The following LALBA variants were observed in gnomAD, a reference collection of about 807,000 sequenced individuals.
LALBA encodes alpha-lactalbumin.
A neutral mutation model predicts 13.4 loss-of-function variants in LALBA; 12 were observed. That is an observed-to-expected ratio of 0.89 (90% confidence interval 0.57 to 1.45). LALBA has a LOEUF of 1.45. Among genes scored for constraint, LALBA ranks in the 40% most tolerant of loss-of-function variants. The pLI is 0.00. For missense variants in LALBA, 145 were observed against 165.9 expected, an observed-to-expected ratio of 0.87 and a Z score of 0.69; for synonymous variants, 64 against 61.0, an observed-to-expected ratio of 1.05 and a Z score of -0.23.
At chr12:48,568,173 T>TA (rs1476291601) in intron 3 of LALBA, 156 bp from the exon 4 acceptor site, 2 of 655,844 alleles carry the variant, frequency 3.0e-6, no homozygotes, top group Non-Finnish European at 5.5e-6. Context: ...ATACAGTCCA[T>TA]AAAAAATATC....
rs761404142 is a variant in LALBA, at chr12:48,570,026, C to T, written c.-6G>A. 10 of 1,613,800 alleles carry T rather than the reference C, an allele frequency of 6.2e-6. No individual in the cohort carries two copies. The South Asian group carries it at 6.6e-5, about 11-fold the overall frequency. On this transcript the variant is annotated 5_prime_UTR_variant, in exon 1 of 4. Coordinates refer to ENST00000301046, the MANE Select transcript of LALBA (RefSeq NM_002289.3). ...AGAGGGACAAAGAACCTCATTTTGGCTACCCCCAAGAACCTGAAATGGAAG... is the reference window on the plus strand; with the variant it reads ...AGAGGGACAAAGAACCTCATTTTGGTTACCCCCAAGAACCTGAAATGGAAG...
rs1349984417 is a variant in LALBA at position 48,570,028 on chromosome 12, A to AC, written c.-9dup. 2 of 1,613,300 alleles carry AC rather than the reference A, an allele frequency of 1.2e-6. No homozygotes were observed. Among genetic ancestry groups the AC allele is most frequent in the Non-Finnish European group, 1.7e-6 (2 of 1,179,822 alleles). On this transcript the variant is annotated 5_prime_UTR_variant, in exon 1 of 4. Coordinates refer to ENST00000301046, the MANE Select transcript of LALBA (RefSeq NM_002289.3). ...AGGGACAAAGAACCTCATTTTGGCT[A>AC]CCCCCAAGAACCTGAAATGGAAGCA...
chr12:48,571,318 T>C (rs1035697460), upstream of LALBA, among the ~76,000 whole-genome samples: 1 of 151,744 alleles, frequency 6.6e-6, no homozygotes, highest in Non-Finnish European at 1.5e-5. Flanking sequence ...CAAGTAGCTC[T>C]TAGCTCCTTC....
At position 48,567,905 on chromosome 12, in the gene LALBA, A is replaced by C; in HGVS notation, c.*52T>G. On this transcript the variant is annotated 3_prime_UTR_variant, in exon 4 of 4. Transcript: ENST00000301046. ...AAACAAACTGAGGTGGCATTAGGGA[A>C]GAGGTATTCCAGGAGTGTGGAGTGG... 8.2e-5 allele frequency: 116 copies of C among 1,408,024 alleles called. No homozygotes were observed. The highest frequency in any genetic ancestry group is 1.0e-4 in the Non-Finnish European group (102 of 1,005,824). 87.2% of individuals were successfully genotyped at this position (1,408,024 alleles called of 1,614,324 possible). A position where few individuals can be genotyped will look rare whatever the true frequency, so the allele number is the denominator to read the frequency against.
In LALBA at chr12:48,569,223, G is replaced by A; in HGVS notation, c.151C>T (p.His51Tyr). 6.2e-7 allele frequency: 1 copy of A among 1,612,918 alleles called. No homozygotes were observed. Reference protein sequence around the residue: ...ALPELICTMFHTSGYDTQAIV... With the variant: ...ALPELICTMFYTSGYDTQAIV... The stretch of plus-strand genomic sequence containing the variant: ...GCTTGTGTGTCATAACCACTGGTGT[G>A]AAACATGGTACAGATCACTGAGGGA... The change falls in exon 2 of 4, where the codon CAC (histidine) becomes TAC (tyrosine). Residue 51 changes from histidine to tyrosine, a missense_variant. His to Tyr is a moderately conservative substitution (Grantham distance 83, BLOSUM62 2). Transcript: ENST00000301046.
intron 3 of LALBA, 53 bp from the exon 4 acceptor site, chr12:48,568,070 C>G: frequency 7.1e-7 from 1 of 1,400,082 alleles, no homozygotes; most frequent in South Asian, 1.2e-5. Flanking sequence ...TCTTTACATT[C>G]ATTCCCAGGA....
intron 1 of LALBA, among the ~76,000 whole-genome samples, chr12:48,569,667 T>C (rs902598005): frequency 6.6e-6 from 1 of 152,044 alleles, no homozygotes; most frequent in African/African-American, 2.4e-5. Flanking sequence ...GAGCCGAGAT[T>C]ACACCATTGC....
intron 3 of LALBA, 94 bp from the exon 4 acceptor site, chr12:48,568,111 T>C (rs1938589941): frequency 5.2e-6 from 5 of 955,242 alleles, no homozygotes; most frequent in African/African-American, 1.6e-5. Context: ...GGACGAGAAT[T>C]ACAGAAAGAC....
chr12:48,568,428 C>G (rs995406639), intron 3 of LALBA, 89 bp downstream of exon 3: 5 of 791,796 alleles, frequency 6.3e-6, no homozygotes, highest in Non-Finnish European at 1.1e-5. Flanking sequence ...GATTAAATGA[C>G]CAAGAGATAG....
At chr12:48,571,386 C>CTTTTTTTTTTTTTTT (rs60444004), upstream of LALBA, among the ~76,000 whole-genome samples, 4 of 98,032 alleles carry the variant, frequency 4.1e-5, no homozygotes, top group South Asian at 3.6e-4. Flanking sequence ...CTTCTTCTTC[C>CTTTTTTTTTTTTTTT]TTTTTTTTTT....
rs973906865 is a variant in LALBA, at chr12:48,567,789, A to G, written c.*168T>C. 2 of 629,846 alleles carry G rather than the reference A, an allele frequency of 3.2e-6. No homozygotes were observed. Among genetic ancestry groups the G allele is most frequent in the African/African-American group, 3.7e-5 (2 of 54,744 alleles). 39.0% of individuals were successfully genotyped at this position (629,846 alleles called of 1,614,324 possible). A position where few individuals can be genotyped will look rare whatever the true frequency, so the allele number is the denominator to read the frequency against. On this transcript the variant is annotated 3_prime_UTR_variant, in exon 4 of 4. Transcript: ENST00000301046. ...GGGTCTAGAGCTCAGTGCACCACTC[A>G]GGCATCCCTGGAAAATAGTCTTCAA...
At chr12:48,568,835 A>G (rs1250455347) in intron 2 of LALBA, among the ~76,000 whole-genome samples, 1 of 152,228 alleles carries the variant, frequency 6.6e-6, no homozygotes. Flanking sequence ...AAATGCAGAC[A>G]ATCAGATTCC....
At chr12:48,569,834 A>T (rs1305725660) in intron 1 of LALBA, 54 bp downstream of exon 1, 1 of 1,580,568 alleles carries the variant, frequency 6.3e-7, no homozygotes, top group Non-Finnish European at 8.7e-7. Flanking sequence ...GAAAGAGGGG[A>T]TGGAGGAGAG....
upstream of LALBA, chr12:48,570,164 G>T: frequency 1.2e-6 from 1 of 820,206 alleles, no homozygotes; most frequent in Non-Finnish European, 1.9e-6. Context: ...AGACAGAAAC[G>T]CTGAGCCTGC....
At chr12:48,570,587 A>C (rs921745847), upstream of LALBA, among the ~76,000 whole-genome samples, 2 of 152,228 alleles carry the variant, frequency 1.3e-5, no homozygotes, top group African/African-American at 4.8e-5. Context: ...CTGAAGGCTC[A>C]GAAATAGGAA....
upstream of LALBA, among the ~76,000 whole-genome samples, chr12:48,571,604 C>T (rs559701613): frequency 5.9e-5 from 9 of 152,120 alleles, no homozygotes; most frequent in African/African-American, 2.2e-4. Flanking sequence ...AGGCTGGTCT[C>T]AAACTTCTGA....
intron 2 of LALBA, 138 bp downstream of exon 2, chr12:48,568,944 C>T: frequency 1.4e-6 from 1 of 725,598 alleles, no homozygotes; most frequent in Non-Finnish European, 2.3e-6. Context: ...TTACTCAGTA[C>T]TGCCAATTCA....
upstream of LALBA, among the ~76,000 whole-genome samples, chr12:48,570,837 C>T (rs1159636683): frequency 6.6e-6 from 1 of 151,812 alleles, no homozygotes; most frequent in African/African-American, 2.4e-5. Flanking sequence ...ATTAGCTGGG[C>T]ATGGTGACAT....
rs2137133406 is a variant in LALBA at position 48,568,314 on chromosome 12, GCAA to G, written c.368+200_368+202del. 4 of 609,818 alleles carry G rather than the reference GCAA, an allele frequency of 6.6e-6. No individual in the cohort carries two copies. In the East Asian group the frequency reaches 1.1e-4, roughly 17 times the overall value. The allele number at this position is 609,818 out of a possible 1,614,324, so 37.8% of individuals were successfully genotyped here. A position where few individuals can be genotyped will look rare whatever the true frequency, so the allele number is the denominator to read the frequency against. On this transcript the variant is annotated intron_variant, in intron 3 of 3. Coordinates refer to ENST00000301046, the MANE Select transcript of LALBA (RefSeq NM_002289.3). ...GGCCTGGGTCTGAGCCCTCCATTAG[GCAA>G]CCCCTTATTAGGAAAATTGCTACCA...
Sources: allele counts gnomAD v4.1 joint callset (sites outside exome capture counted in the v4.1 genomes callset), GRCh38; gene constraint gnomAD v4.1.1; transcripts MANE v1.5; gene names NCBI Gene and HGNC (gene_info 2026-07-23, HGNC 2026-07-21).